Variants in DDC observed in about 807,000 individuals in gnomAD.
DDC encodes dopa decarboxylase.
In DDC, 43 loss-of-function variants were observed where a neutral mutation model predicts 60.0. That is an observed-to-expected ratio of 0.72 (90% CI 0.56 to 0.92). DDC has a LOEUF of 0.92. Ranked by LOEUF, DDC falls within the 40% of genes least tolerant of loss-of-function variation. The probability of loss-of-function intolerance (pLI) is 0.00; values close to 1 mark genes in which losing one functional copy is unlikely to be tolerated. For missense variants in DDC, 573 were observed against 620.2 expected (o/e 0.92, Z 0.81); for synonymous variants, 232 against 234.6 (o/e 0.99, Z 0.10).
chr7:50,485,304 A>T (rs1278007903), intron 9 of DDC, among the ~76,000 whole-genome samples: 1 of 152,246 alleles, frequency 6.6e-6, no homozygotes, highest in Admixed American at 6.5e-5. Context: ...TAAGAAGCTT[A>T]TGAACAGAAT....
intron 5 of DDC, 35 bp from the exon 6 acceptor site, chr7:50,528,315 G>C (rs1372889911): frequency 6.2e-7 from 1 of 1,613,418 alleles, no homozygotes; most frequent in South Asian, 1.1e-5. Flanking sequence ...ATTTGTACAG[G>C]TGTGTGCATG....
intron 9 of DDC, among the ~76,000 whole-genome samples, chr7:50,491,315 T>C (rs2042993104): frequency 6.6e-6 from 1 of 152,150 alleles, no homozygotes; most frequent in Admixed American, 6.5e-5. Flanking sequence ...TTTTTGTTTG[T>C]TTGTTTGTTT....
chr7:50,470,340 C>T (rs558556966), intron 11 of DDC, among the ~76,000 whole-genome samples, 169 bp from the exon 12 acceptor site: 1 of 152,336 alleles, frequency 6.6e-6, no homozygotes. Flanking sequence ...GTGATGTGGG[C>T]AGAGGCTTTC....
chr7:50,553,620 G>A (rs1026514219), intron 1 of DDC, among the ~76,000 whole-genome samples: 4 of 151,576 alleles, frequency 2.6e-5, no homozygotes, highest in African/African-American at 9.7e-5. Flanking sequence ...CTGAGTAGGT[G>A]GGACTACAGG....
chr7:50,517,153 T>C (rs952392159), intron 6 of DDC, among the ~76,000 whole-genome samples: 1 of 152,134 alleles, frequency 6.6e-6, no homozygotes, highest in African/African-American at 2.4e-5. Context: ...TTGATGAACA[T>C]AAATGCTAAA....
chr7:50,474,302 C>G (rs534500888), intron 11 of DDC, among the ~76,000 whole-genome samples: 6 of 152,256 alleles, frequency 3.9e-5, no homozygotes, highest in Middle Eastern at 3.4e-3. Context: ...ATTAGCAGTG[C>G]GGAAAGGGCC....
chr7:50,479,095 G>T (rs950087694), intron 10 of DDC, among the ~76,000 whole-genome samples: 2 of 152,160 alleles, frequency 1.3e-5, no homozygotes, highest in Admixed American at 6.5e-5. Flanking sequence ...AGATACACTG[G>T]CCCAAGTCAA....
intron 1 of DDC, among the ~76,000 whole-genome samples, chr7:50,559,201 C>T (rs2045277544): frequency 6.6e-6 from 1 of 152,184 alleles, no homozygotes; most frequent in African/African-American, 2.4e-5. Context: ...AGGCACGGAG[C>T]TCCTCTCAGC....
chr7:50,509,204 C>T (rs1003016959), intron 6 of DDC, among the ~76,000 whole-genome samples: 5 of 152,052 alleles, frequency 3.3e-5, no homozygotes, highest in African/African-American at 9.6e-5. Flanking sequence ...GGGCAGTCTA[C>T]GGCAAAAAAG....
At chr7:50,528,767 A>G (rs535206896) in intron 5 of DDC, among the ~76,000 whole-genome samples, 29 of 152,172 alleles carry the variant, frequency 1.9e-4, no homozygotes, top group Admixed American at 1.8e-3. Flanking sequence ...AGAGATTCTC[A>G]GGAAAGGCAA....
intron 13 of DDC, 92 bp downstream of exon 13, chr7:50,467,122 C>A (rs891621831): frequency 2.3e-5 from 26 of 1,138,834 alleles, no homozygotes; most frequent in Admixed American, 3.4e-5. Context: ...TCTGGAGAGC[C>A]AGTGCCAGTG....
At position 50,540,240 on chromosome 7, in the gene DDC, A is replaced by C; in HGVS notation, c.202-212T>G. On this transcript the variant is annotated intron_variant, in intron 2 of 14. Coordinates refer to ENST00000444124, the MANE Select transcript of DDC (RefSeq NM_001082971.2). ...ACCTTACTGTCCCCACTCCCTTTAA[A>C]CCAGCTCCCTTTTTGACACTGGAAT... The C allele has an allele frequency of 5.4e-6, 3 of 560,328 alleles. No individual in the cohort carries two copies. In the East Asian group the frequency reaches 1.0e-4, roughly 19 times the overall value. 34.7% of individuals were successfully genotyped at this position (560,328 alleles called of 1,614,324 possible). A position where few individuals can be genotyped will look rare whatever the true frequency, so the allele number is the denominator to read the frequency against.
chr7:50,552,732 T>A (rs1284900632), intron 1 of DDC, among the ~76,000 whole-genome samples: 1 of 152,236 alleles, frequency 6.6e-6, no homozygotes, highest in Non-Finnish European at 1.5e-5. Flanking sequence ...AGGTATTTGC[T>A]GAATGATGAA....
At chr7:50,483,903 CAAA>C (rs34971815) in intron 9 of DDC, among the ~76,000 whole-genome samples, 1 of 139,340 alleles carries the variant, frequency 7.2e-6, no homozygotes, top group Non-Finnish European at 1.5e-5. Context: ...GATTCCATCT[CAAA>C]AAAAAAAAAA....
At chr7:50,488,914 T>A (rs1402736027) in intron 9 of DDC, among the ~76,000 whole-genome samples, 1 of 152,208 alleles carries the variant, frequency 6.6e-6, no homozygotes, top group African/African-American at 2.4e-5. Flanking sequence ...CTCCTTTAAC[T>A]TTTTCCCCTC....
intron 10 of DDC, among the ~76,000 whole-genome samples, chr7:50,477,434 G>A (rs1227282704): frequency 6.6e-6 from 1 of 152,226 alleles, no homozygotes; most frequent in Non-Finnish European, 1.5e-5. Flanking sequence ...GGCTGGACCA[G>A]GCACATCAGT....
intron 6 of DDC, among the ~76,000 whole-genome samples, chr7:50,522,591 T>C (rs1490839187): frequency 1.3e-5 from 2 of 152,040 alleles, no homozygotes; most frequent in Non-Finnish European, 2.9e-5. Context: ...TGAACAGAAA[T>C]AGATCCGCAC....
intron 4 of DDC, among the ~76,000 whole-genome samples, chr7:50,530,181 G>A (rs1046025705): frequency 9.2e-5 from 14 of 152,088 alleles, no homozygotes; most frequent in Admixed American, 3.3e-4. Flanking sequence ...CTTGAGCCTG[G>A]GAGGCGGAGG....
intron 9 of DDC, chr7:50,493,132 T>C (rs1447035165): frequency 1.3e-6 from 1 of 774,752 alleles, no homozygotes; most frequent in Non-Finnish European, 2.2e-6. Flanking sequence ...AAAGAGAGCG[T>C]GGCAATGTCT....
Sources: gnomAD v4.1 joint callset for allele counts (sites outside exome capture counted in the v4.1 genomes callset) on GRCh38, gnomAD v4.1.1 for gene constraint, MANE v1.5 for transcripts, NCBI Gene and HGNC (gene_info 2026-07-23, HGNC 2026-07-21) for gene names.